Variants in NELL1 observed in about 807,000 individuals in gnomAD.
NELL1 encodes protein kinase C-binding protein NELL1.
NELL1 carries 76 observed loss-of-function variants against 107.4 expected under a neutral mutation model. That is an observed-to-expected ratio of 0.71 (90% CI 0.59 to 0.86). The LOEUF is 0.86. Ranked by LOEUF, NELL1 falls within the 40% of genes least tolerant of loss-of-function variation. The pLI, the probability that NELL1 is intolerant of heterozygous loss-of-function variation, is 0.00. For synonymous variants in NELL1, 353 were observed against 341.2 expected, an observed-to-expected ratio of 1.03 and a Z score of -0.38; for missense variants, 1,024 against 1,005.5, an observed-to-expected ratio of 1.02 and a Z score of -0.25.
intron 12 of NELL1, among the ~76,000 whole-genome samples, chr11:21,041,891 T>G (rs1329862833): frequency 2.0e-5 from 3 of 152,212 alleles, no homozygotes; most frequent in Non-Finnish European, 4.4e-5. Context: ...TTTGCTGAAG[T>G]GAAGTCAGCA....
chr11:20,978,774 A>G (rs1851691807), intron 12 of NELL1, among the ~76,000 whole-genome samples: 1 of 152,114 alleles, frequency 6.6e-6, no homozygotes, highest in Non-Finnish European at 1.5e-5. Flanking sequence ...TCCCTTCAAG[A>G]TGCAGGAGTC....
chr11:21,100,714 G>A (rs1854784054), intron 12 of NELL1, among the ~76,000 whole-genome samples: 1 of 152,078 alleles, frequency 6.6e-6, no homozygotes. Context: ...CACATATAGA[G>A]GGCCCAAGAC....
chr11:21,292,065 G>C (rs1370535341), intron 14 of NELL1, among the ~76,000 whole-genome samples: 1 of 152,174 alleles, frequency 6.6e-6, no homozygotes, highest in Non-Finnish European at 1.5e-5. Flanking sequence ...AGTATTGGAA[G>C]TTCTGGCCAG....
chr11:21,386,530 G>A (rs1300953189), intron 15 of NELL1, among the ~76,000 whole-genome samples: 1 of 151,808 alleles, frequency 6.6e-6, no homozygotes, highest in Admixed American at 6.6e-5. Flanking sequence ...GTATTTTCCT[G>A]GTTCTTAAAT....
At chr11:21,335,132 A>T (rs1223364429) in intron 14 of NELL1, among the ~76,000 whole-genome samples, 1 of 152,100 alleles carries the variant, frequency 6.6e-6, no homozygotes, top group East Asian at 1.9e-4. Context: ...AGATATTTCA[A>T]AACATAAAAG....
chr11:21,516,041 T>C (rs928586721), intron 15 of NELL1, among the ~76,000 whole-genome samples: 9 of 152,144 alleles, frequency 5.9e-5, no homozygotes, highest in African/African-American at 1.9e-4. Context: ...GCAGAAGCCA[T>C]GTGTGGTTAC....
At chr11:20,873,726 T>C (rs1849247263) in intron 4 of NELL1, among the ~76,000 whole-genome samples, 1 of 151,288 alleles carries the variant, frequency 6.6e-6, no homozygotes, top group Non-Finnish European at 1.5e-5. Context: ...GATCTTTCCC[T>C]GGCTGATGCT....
intron 5 of NELL1, among the ~76,000 whole-genome samples, chr11:20,913,444 A>G (rs557055143): frequency 6.6e-5 from 10 of 152,280 alleles, no homozygotes; most frequent in Admixed American, 3.3e-4. Flanking sequence ...TAGTTATTCC[A>G]TACACAAGAG....
At chr11:21,452,806 A>C (rs1853621181) in intron 15 of NELL1, among the ~76,000 whole-genome samples, 1 of 151,934 alleles carries the variant, frequency 6.6e-6, no homozygotes, top group Non-Finnish European at 1.5e-5. Flanking sequence ...CAGTACTATA[A>C]ATTACCTTTT....
At chr11:21,524,954 G>A (rs1337720985) in intron 15 of NELL1, among the ~76,000 whole-genome samples, 2 of 152,096 alleles carry the variant, frequency 1.3e-5, no homozygotes, top group Non-Finnish European at 2.9e-5. Flanking sequence ...TAAAGCTTTG[G>A]GCAGAATAAG....
intron 16 of NELL1, among the ~76,000 whole-genome samples, chr11:21,535,035 C>G (rs1279354174): frequency 2.8e-4 from 43 of 152,076 alleles, no homozygotes; most frequent in Admixed American, 2.7e-3. Context: ...TTAAAAATTG[C>G]AAGATTTGAA....
chr11:20,938,936 CTCTCTGTG>C (rs1158868332), intron 10 of NELL1, among the ~76,000 whole-genome samples: 10 of 42,328 alleles, frequency 2.4e-4, no homozygotes, highest in African/African-American at 4.4e-4. Flanking sequence ...CTCTCTCTCT[CTCTCTGTG>C]TGTGTGTGTG....
chr11:21,249,726 C>T (rs950406365), intron 14 of NELL1, among the ~76,000 whole-genome samples: 1 of 152,092 alleles, frequency 6.6e-6, no homozygotes, highest in African/African-American at 2.4e-5. Context: ...TGCTAATGTT[C>T]ACTTGAATGT....
intron 2 of NELL1, among the ~76,000 whole-genome samples, chr11:20,724,745 C>A (rs578025594): frequency 6.6e-6 from 1 of 152,332 alleles, no homozygotes; most frequent in Admixed American, 6.5e-5. Context: ...CTTCCCATTA[C>A]CCAGTTCCAA....
At chr11:20,954,527 A>C (rs962856793) in intron 11 of NELL1, among the ~76,000 whole-genome samples, 11 of 152,220 alleles carry the variant, frequency 7.2e-5, no homozygotes, top group Non-Finnish European at 1.5e-4. Context: ...TAGGGATTAT[A>C]ATTTCCCTGC....
At chr11:21,231,804 T>C (rs992283019) in intron 14 of NELL1, among the ~76,000 whole-genome samples, 1 of 152,168 alleles carries the variant, frequency 6.6e-6, no homozygotes, top group Admixed American at 6.5e-5. Context: ...GAAAATAATT[T>C]TCTTAAAGTG....
At chr11:20,803,227 A>G (rs1161334441) in intron 3 of NELL1, among the ~76,000 whole-genome samples, 1 of 152,112 alleles carries the variant, frequency 6.6e-6, no homozygotes, top group Non-Finnish European at 1.5e-5. Context: ...TTTTCATTAC[A>G]TCTTGTATCT....
intron 12 of NELL1, among the ~76,000 whole-genome samples, chr11:21,021,497 G>C (rs1335757881): frequency 3.9e-5 from 6 of 152,022 alleles, no homozygotes; most frequent in Non-Finnish European, 4.4e-5. Flanking sequence ...TTCATTATCA[G>C]AGCACGTCTT....
At chr11:21,349,921 C>T (rs967564806) in intron 14 of NELL1, among the ~76,000 whole-genome samples, 33 of 152,148 alleles carry the variant, frequency 2.2e-4, no homozygotes, top group Middle Eastern at 3.4e-3. Flanking sequence ...TCACAATCTA[C>T]TATATTGTAA....
Sources: allele counts gnomAD v4.1 joint callset (sites outside exome capture counted in the v4.1 genomes callset), GRCh38; gene constraint gnomAD v4.1.1; transcripts MANE v1.5; gene names NCBI Gene and HGNC (gene_info 2026-07-23, HGNC 2026-07-21).